Variants in YBEY observed in about 807,000 individuals in gnomAD.
YBEY encodes endoribonuclease YbeY.
Under a neutral mutation model 13.5 loss-of-function variants are expected in YBEY, and 15 were observed. The observed-to-expected ratio is 1.11, with a 90% CI of 0.75 to 1.72. YBEY has a LOEUF of 1.72. YBEY is among the 40% of genes most tolerant of loss of function. The pLI, the probability that YBEY is intolerant of heterozygous loss-of-function variation, is 0.00. For missense variants in YBEY, 244 were observed against 208.4 expected, an observed-to-expected ratio of 1.17 and a Z score of -1.05; for synonymous variants, 101 against 83.1, an observed-to-expected ratio of 1.21 and a Z score of -1.17.
chr21:46,294,740 G>A (rs967618758), intron 3 of YBEY, among the ~76,000 whole-genome samples: 2 of 146,950 alleles, frequency 1.4e-5, no homozygotes, highest in Admixed American at 1.4e-4. Context: ...TGCACAGGTG[G>A]TTTCAGCAGC....
intron 3 of YBEY, among the ~76,000 whole-genome samples, chr21:46,295,251 A>C (rs922159440): frequency 1.3e-5 from 2 of 151,900 alleles, no homozygotes; most frequent in African/African-American, 4.8e-5. Flanking sequence ...CCCCATCCTC[A>C]TAGCCACAGG....
chr21:46,296,344 A>C, intron 4 of YBEY, 114 bp downstream of exon 4: 2 of 1,123,920 alleles, frequency 1.8e-6, no homozygotes, highest in South Asian at 2.6e-5. Flanking sequence ...ACTGGACCTC[A>C]GACCTGCCCT....
downstream of YBEY, chr21:46,300,707 C>G (rs1387922256): frequency 9.3e-5 from 119 of 1,285,884 alleles, no homozygotes; most frequent in Non-Finnish European, 1.2e-4. Context: ...CTCTGGTCAT[C>G]CTGTCTCCTA....
chr21:46,297,419 G>A, intron 4 of YBEY, 120 bp from the exon 5 acceptor site: 1 of 998,612 alleles, frequency 1.0e-6, no homozygotes, highest in Non-Finnish European at 1.3e-6. Flanking sequence ...CTGAGCTAGA[G>A]CCGCGCGGGC....
At chr21:46,297,045 TC>T (rs1467004759) in intron 4 of YBEY, among the ~76,000 whole-genome samples, 1 of 152,164 alleles carries the variant, frequency 6.6e-6, no homozygotes, top group Non-Finnish European at 1.5e-5. Context: ...ACGCCTGTAA[TC>T]CCAGCACTTT....
At chr21:46,303,745 ATTTTTTTTTTTT>A in the YBEY span, among the ~76,000 whole-genome samples, 430 of 23,762 alleles carry the variant, frequency 0.018, 6 homozygotes, top group Non-Finnish European at 0.026. Context: ...ATATATATAT[ATTTTTTTTTTTT>A]TTTTTTTTTT....
chr21:46,302,152 G>A, downstream of YBEY: 1 of 1,484,644 alleles, frequency 6.7e-7, no homozygotes, highest in Non-Finnish European at 9.0e-7. Context: ...CATGTGGCGG[G>A]TCCTGCCACA....
intron 2 of YBEY, among the ~76,000 whole-genome samples, chr21:46,289,252 C>T (rs964895700): frequency 3.9e-5 from 6 of 151,914 alleles, no homozygotes; most frequent in South Asian, 2.1e-4. Flanking sequence ...TGTGGATCTG[C>T]GTGATTCTGC....
intron 2 of YBEY, among the ~76,000 whole-genome samples, chr21:46,288,862 A>G (rs1209815530): frequency 6.6e-6 from 1 of 152,114 alleles, no homozygotes; most frequent in African/African-American, 2.4e-5. Context: ...TACAAAAAAT[A>G]AAAACAACAA....
downstream of YBEY, chr21:46,300,623 C>T (rs549779718): frequency 3.4e-5 from 41 of 1,207,842 alleles, no homozygotes; most frequent in Admixed American, 4.3e-4. Context: ...CTGGGCCCTT[C>T]GGTGTTCACA....
chr21:46,288,879 G>A (rs1025715142), intron 2 of YBEY, among the ~76,000 whole-genome samples: 2 of 151,970 alleles, frequency 1.3e-5, no homozygotes, highest in Non-Finnish European at 2.9e-5. Flanking sequence ...ACAATTAGCC[G>A]GGCATGGTGG....
At chr21:46,290,802 T>C (rs2081666586) in intron 2 of YBEY, among the ~76,000 whole-genome samples, 1 of 151,164 alleles carries the variant, frequency 6.6e-6, no homozygotes, top group Non-Finnish European at 1.5e-5. Flanking sequence ...TCCCAGCACT[T>C]TCGGAGGCCA....
chr21:46,291,854 C>A, intron 3 of YBEY: 1 of 1,055,156 alleles, frequency 9.5e-7, no homozygotes, highest in Non-Finnish European at 1.1e-6. Context: ...ATGGGTTCTT[C>A]CTGCCCACTG....
chr21:46,292,513 T>C (rs117827938), intron 3 of YBEY, among the ~76,000 whole-genome samples: 5,127 of 145,336 alleles, frequency 0.035, 213 homozygotes, highest in Admixed American at 0.064. Context: ...ATTCCTCCCG[T>C]GGTTAGCTTG....
chr21:46,302,352 G>T, downstream of YBEY: 1 of 1,095,102 alleles, frequency 9.1e-7, no homozygotes, highest in Non-Finnish European at 1.3e-6. Flanking sequence ...ATGGGGATGG[G>T]GGCTTCACAG....
chr21:46,299,750 G>GCCCCCCCCC (rs545785598), downstream of YBEY, among the ~76,000 whole-genome samples: 6 of 147,252 alleles, frequency 4.1e-5, no homozygotes, highest in African/African-American at 7.6e-5. Flanking sequence ...TGTGCCCTGA[G>GCCCCCCCCC]CCCCCCCCAC....
intron 2 of YBEY, among the ~76,000 whole-genome samples, chr21:46,290,274 G>T (rs2081646048): frequency 6.6e-6 from 1 of 151,988 alleles, no homozygotes; most frequent in Non-Finnish European, 1.5e-5. Context: ...CGCAGTCTAG[G>T]GGCTCACTGC....
At chr21:46,298,473 G>T (rs2082023449), downstream of YBEY, among the ~76,000 whole-genome samples, 1 of 98,302 alleles carries the variant, frequency 1.0e-5, no homozygotes, top group Non-Finnish European at 2.2e-5. Flanking sequence ...CTGTCGCCCA[G>T]GCTGGAGTGC....
downstream of YBEY, among the ~76,000 whole-genome samples, chr21:46,299,753 C>T (rs984966051): frequency 2.0e-5 from 3 of 150,894 alleles, no homozygotes; most frequent in African/African-American, 7.3e-5. Flanking sequence ...GCCCTGAGCC[C>T]CCCCCACCAC....
Sources: allele counts gnomAD v4.1 joint callset (sites outside exome capture counted in the v4.1 genomes callset), GRCh38; gene constraint gnomAD v4.1.1; transcripts MANE v1.5; gene names NCBI Gene and HGNC (gene_info 2026-07-23, HGNC 2026-07-21).